The following FANCC variants were observed in gnomAD, a reference collection of about 807,000 sequenced individuals.
FANCC encodes FA complementation group C, also known as Fanconi anemia group C protein.
Under a neutral mutation model 71.3 loss-of-function variants are expected in FANCC, and 55 were observed. The ratio of observed to expected loss-of-function variants is 0.77; its 90% CI spans 0.62 to 0.97. FANCC has a LOEUF of 0.97. FANCC is among the 50% of genes least tolerant of loss of function. FANCC has a pLI of 0.00. For missense variants in FANCC, 678 were observed against 670.9 expected, an observed-to-expected ratio of 1.01 and a Z score of -0.12; for synonymous variants, 275 against 244.9, an observed-to-expected ratio of 1.12 and a Z score of -1.15.
At chr9:95,135,074 TAA>T (rs1004013388) in intron 8 of FANCC, among the ~76,000 whole-genome samples, 2 of 152,258 alleles carry the variant, frequency 1.3e-5, no homozygotes, top group African/African-American at 2.4e-5. Context: ...ATACTGTTTT[TAA>T]AAAGTCTGTT....
At chr9:95,241,750 C>T (rs192085144) in intron 3 of FANCC, among the ~76,000 whole-genome samples, 40 of 152,314 alleles carry the variant, frequency 2.6e-4, no homozygotes, top group African/African-American at 9.4e-4. Flanking sequence ...ACATCCACCT[C>T]TCGGGCTCCA....
chr9:95,314,344 C>T (rs1040474688), intron 1 of FANCC, among the ~76,000 whole-genome samples: 1 of 152,154 alleles, frequency 6.6e-6, no homozygotes, highest in Non-Finnish European at 1.5e-5. Flanking sequence ...ATTCTTTATT[C>T]CTTTGCTTTC....
chr9:95,254,422 C>T (rs9792442), intron 1 of FANCC, among the ~76,000 whole-genome samples: 16,075 of 152,082 alleles, frequency 0.11, 1,004 homozygotes, highest in East Asian at 0.19. Context: ...GAGCAGCCCA[C>T]GGAGGGTGAG....
At chr9:95,182,505 G>C (rs1346470666) in intron 4 of FANCC, among the ~76,000 whole-genome samples, 1 of 152,198 alleles carries the variant, frequency 6.6e-6, no homozygotes, top group Non-Finnish European at 1.5e-5. Context: ...GGGAGATAGA[G>C]AAAGACTCCA....
chr9:95,168,241 T>A (rs73532168), intron 6 of FANCC, among the ~76,000 whole-genome samples: 1 of 152,174 alleles, frequency 6.6e-6, no homozygotes. Context: ...GTCCCTCTAG[T>A]AGGCCCCTGA....
intron 1 of FANCC, among the ~76,000 whole-genome samples, chr9:95,273,457 T>C (rs1049467523): frequency 1.3e-5 from 2 of 152,236 alleles, no homozygotes; most frequent in African/African-American, 4.8e-5. Flanking sequence ...AAAGATCTCA[T>C]GAACAACACC....
chr9:95,261,500 G>A (rs1054142522), intron 1 of FANCC, among the ~76,000 whole-genome samples: 4 of 152,130 alleles, frequency 2.6e-5, no homozygotes, highest in African/African-American at 9.7e-5. Flanking sequence ...CAAGTATTTT[G>A]TGCATACACG....
chr9:95,249,331 C>T lies in FANCC; in HGVS notation c.-40G>A, dbSNP rs747181277. 2.5e-6 allele frequency: 4 copies of T among 1,592,922 alleles called. No homozygotes were observed. In the South Asian group the frequency reaches 3.3e-5, roughly 13 times the overall value. ...AAAGGTGATGTCCCTTCACAGCAGC[C>T]TGTCCAGCACTGAAGGAAATGGTCG... On this transcript the variant is annotated 5_prime_UTR_variant, in exon 2 of 15. Coordinates refer to ENST00000289081, the MANE Select transcript of FANCC (RefSeq NM_000136.3).
At chr9:95,181,384 A>G (rs1249376471) in intron 4 of FANCC, among the ~76,000 whole-genome samples, 1 of 152,156 alleles carries the variant, frequency 6.6e-6, no homozygotes, top group African/African-American at 2.4e-5. Context: ...TTTTTATTTT[A>G]TAGTAAACTT....
In FANCC at chr9:95,232,072, G is replaced by A. The variant is rs150697579; in HGVS notation, c.345+8577C>T. ...GCACTGCAGCATCTGCTTGGCTTCC[G>A]GGGAGGCCTCAGGAAACTTACAATC... On this transcript the variant is annotated intron_variant, in intron 4 of 14. Coordinates refer to ENST00000289081, the MANE Select transcript of FANCC (RefSeq NM_000136.3). Among the ~76,000 whole-genome samples the A allele has an allele frequency of 2.9e-3, 448 of 152,282 alleles. 2 individuals are homozygous for A. The highest frequency in any genetic ancestry group is 0.01 in the African/African-American group (427 of 41,558).
In FANCC at chr9:95,111,522, A is replaced by C. The variant is rs1471892035; in HGVS notation, c.1270T>G (p.Trp424Gly). The C allele has an allele frequency of 6.2e-7, 1 of 1,614,146 alleles. No homozygotes were observed. Among genetic ancestry groups the C allele is most frequent in the East Asian group, 2.2e-5 (1 of 44,864 alleles). The change falls in exon 13 of 15, where the codon TGG becomes GGG. Residue 424 changes from tryptophan (W) to glycine (G), a missense_variant. Physicochemically the swap from Trp to Gly is radical, Grantham distance 184 (BLOSUM62 -2). Transcript: ENST00000289081. ...SAAEPPTALL[W>G]LLAFYYGPRD... The stretch of plus-strand genomic sequence containing the variant: ...GGGCCGTAGTAGAAGGCCAAGAGCC[A>C]CAGCAGGGCCGTGGGGGGTTCGGCT...
At chr9:95,283,559 C>A (rs1833495158) in intron 1 of FANCC, among the ~76,000 whole-genome samples, 1 of 152,192 alleles carries the variant, frequency 6.6e-6, no homozygotes, top group Admixed American at 6.5e-5. Context: ...CAAACACTTT[C>A]TTTCTCAAAG....
intron 4 of FANCC, among the ~76,000 whole-genome samples, chr9:95,229,264 C>T (rs1829829830): frequency 7.0e-6 from 1 of 143,546 alleles, no homozygotes; most frequent in African/African-American, 2.6e-5. Context: ...CACCACTGCA[C>T]TTCAGCCTGA....
intron 1 of FANCC, among the ~76,000 whole-genome samples, chr9:95,275,863 A>G (rs1311057105): frequency 6.6e-6 from 1 of 152,110 alleles, no homozygotes; most frequent in Non-Finnish European, 1.5e-5. Context: ...CTAAAAAGAA[A>G]AAAAAGAATG....
At chr9:95,118,067 G>A (rs2072571327) in intron 10 of FANCC, among the ~76,000 whole-genome samples, 1 of 152,066 alleles carries the variant, frequency 6.6e-6, no homozygotes, top group African/African-American at 2.4e-5. Flanking sequence ...TGCGCAGGCT[G>A]GAGTGCAGAG....
intron 6 of FANCC, among the ~76,000 whole-genome samples, chr9:95,152,366 GAT>G (rs1830224250): frequency 6.6e-6 from 1 of 152,186 alleles, no homozygotes; most frequent in South Asian, 2.1e-4. Flanking sequence ...CCAAGAAGGT[GAT>G]ATGTGAGCAG....
At chr9:95,156,118 T>C (rs1162561729) in intron 6 of FANCC, among the ~76,000 whole-genome samples, 1 of 152,024 alleles carries the variant, frequency 6.6e-6, no homozygotes, top group Non-Finnish European at 1.5e-5. Context: ...TGGTTTTTGG[T>C]GTTGTTGTTG....
At chr9:95,289,112 GATA>G (rs1296678031) in intron 1 of FANCC, among the ~76,000 whole-genome samples, 1 of 151,982 alleles carries the variant, frequency 6.6e-6, no homozygotes, top group African/African-American at 2.4e-5. Flanking sequence ...TAGAAATAAT[GATA>G]ATAAGAAGAG....
chr9:95,244,571 C>T (rs1300999279), intron 3 of FANCC, among the ~76,000 whole-genome samples: 1 of 150,000 alleles, frequency 6.7e-6, no homozygotes, highest in African/African-American at 2.5e-5. Context: ...CCCAGCTACT[C>T]AGGAGGCTGA....
Sources: gnomAD v4.1 joint callset for allele counts (sites outside exome capture counted in the v4.1 genomes callset) on GRCh38, gnomAD v4.1.1 for gene constraint, MANE v1.5 for transcripts, NCBI Gene and HGNC (gene_info 2026-07-23, HGNC 2026-07-21) for gene names.